The following RNF220 variants were observed in gnomAD, a reference collection of about 807,000 sequenced individuals.
The protein encoded by RNF220 is ring finger protein 220, also known as E3 ubiquitin-protein ligase RNF220.
In RNF220, 7 loss-of-function variants were observed where a neutral mutation model predicts 67.1. That is an observed-to-expected ratio of 0.10 (90% CI 0.06 to 0.20). The LOEUF (loss-of-function observed/expected upper bound fraction) is 0.20. Among genes scored for constraint, RNF220 ranks in the 10% least tolerant of loss-of-function variants. The pLI, the probability that RNF220 is intolerant of heterozygous loss-of-function variation, is 1.00. For synonymous variants in RNF220, 270 were observed against 283.2 expected, an observed-to-expected ratio of 0.95 and a Z score of 0.47; for missense variants, 565 against 740.3, an observed-to-expected ratio of 0.76 and a Z score of 2.75.
chr1:44,541,761 T>A (rs943448358), intron 2 of RNF220, among the ~76,000 whole-genome samples: 36 of 152,220 alleles, frequency 2.4e-4, no homozygotes, highest in African/African-American at 8.4e-4. Flanking sequence ...CTTTGCACAC[T>A]GAACCGTCAT....
intron 2 of RNF220, among the ~76,000 whole-genome samples, chr1:44,511,293 G>A (rs570521512): frequency 1.3e-5 from 2 of 152,222 alleles, no homozygotes; most frequent in Non-Finnish European, 1.5e-5. Flanking sequence ...AGAGATCCCC[G>A]GGCCTGCGGG....
At chr1:44,632,775 G>A (rs952821121) in intron 6 of RNF220, 1 of 265,174 alleles carries the variant, frequency 3.8e-6, no homozygotes, top group Non-Finnish European at 7.5e-6. Context: ...GTGCCCAGTA[G>A]TGTGAATACA....
chr1:44,578,144 C>CTTTTTTTTTTTTTTTTTTTTTTTTTCCCT (rs749348924), intron 2 of RNF220, among the ~76,000 whole-genome samples: 1 of 117,154 alleles, frequency 8.5e-6, no homozygotes, highest in African/African-American at 3.4e-5. Flanking sequence ...TCTTTCTTTC[C>CTTTTTTTTTTTTTTTTTTTTTTTTTCCCT]TTTTTTTTTT....
chr1:44,419,835 G>A (rs1199973530), intron 2 of RNF220: 6 of 152,164 alleles, frequency 3.9e-5, no homozygotes, highest in Admixed American at 2.6e-4. Context: ...ATTACTTGGG[G>A]TACTATTAAT....
rs1382629341 is a variant in RNF220 at position 44,559,647 on chromosome 1, G to A, written c.626-54518G>A. ...GGGGCTGGGACAGATGAGCAGGCCT[G>A]TTAGGAAGAGGGGGCCACGGCCCTG... On this transcript the variant is annotated intron_variant, in intron 2 of 14. Transcript: ENST00000361799. 4.6e-5 allele frequency among the ~76,000 whole-genome samples: 7 copies of A among 152,196 alleles called. No individual in the cohort carries two copies. The East Asian group carries it at 5.8e-4, about 13-fold the overall frequency.
At chr1:44,489,171 A>G (rs972510342) in intron 2 of RNF220, among the ~76,000 whole-genome samples, 1 of 152,232 alleles carries the variant, frequency 6.6e-6, no homozygotes, top group Non-Finnish European at 1.5e-5. Flanking sequence ...GAGGAAAAGG[A>G]ACACATGAAC....
rs112677398 is a variant in RNF220, at chr1:44,405,397, C to A, written c.-251C>A. On this transcript the variant is annotated 5_prime_UTR_variant, in exon 1 of 15. Coordinates refer to ENST00000361799, the MANE Select transcript of RNF220 (RefSeq NM_018150.4). Reference sequence around the variant, plus strand: ...CGCCTACTGCTGCTGCTGCTGCTGCCGCTGCCGCCGCCGCCGCCGCCGCTG... The same window carrying A: ...CGCCTACTGCTGCTGCTGCTGCTGCAGCTGCCGCCGCCGCCGCCGCCGCTG... 3.6e-6 allele frequency: 2 copies of A among 561,482 alleles called. No individual in the cohort carries two copies. Among genetic ancestry groups the A allele is most frequent in the South Asian group, 3.5e-5 (2 of 56,516 alleles). 34.8% of individuals were successfully genotyped at this position (561,482 alleles called of 1,614,324 possible).
At chr1:44,415,933 T>C (rs1250808730) in intron 2 of RNF220, among the ~76,000 whole-genome samples, 1 of 152,258 alleles carries the variant, frequency 6.6e-6, no homozygotes, top group Non-Finnish European at 1.5e-5. Context: ...GTTCTTTCCT[T>C]AAATCTGGGT....
chr1:44,626,699 G>C (rs1359801866), intron 5 of RNF220: 3 of 339,122 alleles, frequency 8.8e-6, no homozygotes, highest in South Asian at 5.0e-5. Context: ...TTTCATAAGA[G>C]ACCCAGATAC....
At chr1:44,501,347 A>C (rs1033592925) in intron 2 of RNF220, among the ~76,000 whole-genome samples, 3 of 151,598 alleles carry the variant, frequency 2.0e-5, no homozygotes, top group Non-Finnish European at 2.9e-5. Context: ...TTTTGTTGAA[A>C]GAAAGAGAAA....
chr1:44,617,425 T>C (rs1643603909), intron 3 of RNF220, among the ~76,000 whole-genome samples: 2 of 152,220 alleles, frequency 1.3e-5, no homozygotes, highest in Non-Finnish European at 1.5e-5. Context: ...TCGTGATTTA[T>C]CTGGATTTTT....
intron 2 of RNF220, among the ~76,000 whole-genome samples, chr1:44,507,872 C>G (rs1042275820): frequency 4.6e-5 from 7 of 151,900 alleles, no homozygotes; most frequent in Non-Finnish European, 1.0e-4. Flanking sequence ...GGTGCCCCCC[C>G]CTCACCACAC....
chr1:44,417,816 G>T lies in RNF220; in HGVS notation c.625+5094G>T, dbSNP rs1162341873. ...GAGGCCAGGCCACGGGGTGGGCCCC[G>T]TTCGCTTACTTGCAAGGGACCCCCA... On this transcript the variant is annotated intron_variant, in intron 2 of 14. Transcript: ENST00000361799. This position sits in a 1 kb window ranked among gnomAD's most constrained non-coding sequence, Gnocchi z 4.0. 6.6e-6 allele frequency among the ~76,000 whole-genome samples: 1 copy of T among 152,158 alleles called. No homozygotes were observed. Among genetic ancestry groups the T allele is most frequent in the African/African-American group, 2.4e-5 (1 of 41,450 alleles).
At chr1:44,449,901 A>G (rs1652493549) in intron 2 of RNF220, among the ~76,000 whole-genome samples, 2 of 152,222 alleles carry the variant, frequency 1.3e-5, no homozygotes, top group Non-Finnish European at 1.5e-5. Context: ...GGAGATACAG[A>G]AAGTATGTTT....
chr1:44,570,882 T>A (rs1253772881), intron 2 of RNF220, among the ~76,000 whole-genome samples: 1 of 152,078 alleles, frequency 6.6e-6, no homozygotes, highest in Non-Finnish European at 1.5e-5. Flanking sequence ...GAGACCAGCC[T>A]GGTCAACATG....
At chr1:44,605,541 G>A (rs1667215495) in intron 2 of RNF220, among the ~76,000 whole-genome samples, 1 of 152,142 alleles carries the variant, frequency 6.6e-6, no homozygotes, top group South Asian at 2.1e-4. Flanking sequence ...ACATGCTGGG[G>A]CTATAGCAGG....
intron 2 of RNF220, among the ~76,000 whole-genome samples, chr1:44,430,787 C>T (rs1218188228): frequency 5.3e-5 from 8 of 152,294 alleles, no homozygotes; most frequent in Non-Finnish European, 1.0e-4. Flanking sequence ...TGTCGTGATC[C>T]GCCCACCTTG....
intron 2 of RNF220, among the ~76,000 whole-genome samples, chr1:44,476,396 G>A (rs887708521): frequency 1.3e-5 from 2 of 152,144 alleles, no homozygotes; most frequent in Admixed American, 6.5e-5. Flanking sequence ...AGAAAAGTAC[G>A]GAGATTAAAG....
At chr1:44,513,007 G>A (rs1479648519) in intron 2 of RNF220, among the ~76,000 whole-genome samples, 1 of 152,148 alleles carries the variant, frequency 6.6e-6, no homozygotes, top group African/African-American at 2.4e-5. Context: ...CTTTCATTTT[G>A]CCTTTTGCTA....
Sources: allele counts gnomAD v4.1 joint callset (sites outside exome capture counted in the v4.1 genomes callset), GRCh38; gene constraint gnomAD v4.1.1; non-coding constraint Gnocchi (gnomAD v3.1); transcripts MANE v1.5; gene names NCBI Gene and HGNC (gene_info 2026-07-23, HGNC 2026-07-21).